Variants in ATAD5 observed in about 807,000 individuals in gnomAD.
The protein encoded by ATAD5 is ATPase family AAA domain containing 5.
A neutral mutation model predicts 176.9 loss-of-function variants in ATAD5; 58 were observed. That is an observed-to-expected ratio of 0.33 (90% confidence interval 0.27 to 0.41). The LOEUF is 0.41. ATAD5 is among the 10% of genes least tolerant of loss of function. The probability of loss-of-function intolerance (pLI) is 1.00; values close to 1 mark genes in which losing one functional copy is unlikely to be tolerated. For missense variants in ATAD5, 1,789 were observed against 2,094.1 expected, an observed-to-expected ratio of 0.85 and a Z score of 2.84; for synonymous variants, 640 against 712.6, an observed-to-expected ratio of 0.90 and a Z score of 1.62.
At chr17:30,879,565 ATTTT>A in intron 18 of ATAD5, 78 bp downstream of exon 18, 12 of 1,055,184 alleles carry the variant, frequency 1.1e-5, no homozygotes, top group East Asian at 3.3e-5. Flanking sequence ...TACAGCTATA[ATTTT>A]TTTTTTTTTT....
rs745496491 is a variant in ATAD5 at position 30,860,566 on chromosome 17, T to G, written c.3090T>G (p.Leu1030=). 6.9e-6 allele frequency: 11 copies of G among 1,585,062 alleles called. No homozygotes were observed. The African/African-American group carries it at 1.5e-4, about 22-fold the overall frequency. Residue 1030 remains leucine (L), a synonymous_variant, in exon 10 of 23, where the codon CTT becomes CTG. Transcript: ENST00000321990. The part of the protein sequence containing the change: ...LEKTNRKSEE[L]SKRNNSSGIK... ...AGACCAATAGGAAGTCAGAAGAACT[T>G]AGCAAAAGAAACAACTCTTCTGGGA...
In ATAD5 at chr17:30,858,222, G is replaced by A; in HGVS notation, c.2855G>A (p.Arg952Lys). Residue 952 changes from arginine to lysine, a missense_variant, in exon 9 of 23, where the codon AGG becomes AAG. Around this residue, in one of 6 missense-constraint regions of ATAD5, gnomAD observed 487 missense variants for 573.6 expected, o/e 0.85. Transcript: ENST00000321990. Reference protein sequence around the residue: ...EVRNLLLEEIRWSNPEFSLKK... With the variant: ...EVRNLLLEEIKWSNPEFSLKK... ...AGAAATCTTTTGCTTGAGGAAATTAGGTGGTCAAATCCTGAATTTTCATTG... is the reference window on the plus strand; with the variant it reads ...AGAAATCTTTTGCTTGAGGAAATTAAGTGGTCAAATCCTGAATTTTCATTG... The A allele has an allele frequency of 3.8e-6, 6 of 1,595,942 alleles. No individual in the cohort carries two copies. Among genetic ancestry groups the A allele is most frequent in the Non-Finnish European group, 5.1e-6 (6 of 1,171,590 alleles).
intron 19 of ATAD5, among the ~76,000 whole-genome samples, chr17:30,889,886 C>CTTTTTTTTTTTTTTTT (rs60266614): frequency 9.4e-5 from 9 of 95,718 alleles, no homozygotes; most frequent in Non-Finnish European, 1.4e-4. Flanking sequence ...TCTTTTCTTT[C>CTTTTTTTTTTTTTTTT]TTTTTTTTTT....
At chr17:30,859,267 G>T (rs1907472368) in intron 9 of ATAD5, among the ~76,000 whole-genome samples, 1 of 152,152 alleles carries the variant, frequency 6.6e-6, no homozygotes. Context: ...GATAATTTTA[G>T]CTTATATAGC....
chr17:30,883,149 C>T (rs1253378607), intron 18 of ATAD5, among the ~76,000 whole-genome samples: 3 of 137,254 alleles, frequency 2.2e-5, no homozygotes, highest in South Asian at 2.4e-4. Context: ...TTTTGAGATA[C>T]GGTCTCACTC....
At chr17:30,889,158 T>TTTTC (rs1288873813) in intron 19 of ATAD5, among the ~76,000 whole-genome samples, 2 of 147,006 alleles carry the variant, frequency 1.4e-5, no homozygotes, top group Non-Finnish European at 1.5e-5. Context: ...AAAGTTTTTC[T>TTTTC]TTTCTTTCTT....
In ATAD5 at chr17:30,894,696, A is replaced by G. The variant is rs1244482610; in HGVS notation, c.5430A>G (p.Leu1810=). 1 of 1,609,554 alleles carries G rather than the reference A, an allele frequency of 6.2e-7. No homozygotes were observed. The highest frequency in any genetic ancestry group is 8.5e-7 in the Non-Finnish European group (1 of 1,178,654). ...GAAACATCTGTAAGACTGAGAAGCT[A>G]AAAGAACAAGGAAAAAGTAAAAGAA... ...TLRNICKTEK[L]KEQGKSKRRF... is the part of the protein sequence containing the mutation. The change falls in exon 22 of 23, where the codon CTA becomes CTG. Residue 1810 remains leucine, a synonymous_variant. Coordinates refer to ENST00000321990, the MANE Select transcript of ATAD5 (RefSeq NM_024857.5).
intron 19 of ATAD5, 93 bp downstream of exon 19, chr17:30,887,465 C>T (rs1909384385): frequency 9.2e-7 from 1 of 1,085,476 alleles, no homozygotes. Flanking sequence ...GCCTGTAATC[C>T]CAGCACTTTG....
intron 18 of ATAD5, among the ~76,000 whole-genome samples, chr17:30,884,428 T>C (rs1363520665): frequency 1.8e-5 from 2 of 109,794 alleles, no homozygotes; most frequent in East Asian, 2.6e-4. Context: ...TCTTTTCTTT[T>C]TTTTTTTTTT....
At chr17:30,862,400 C>T (rs549535358) in intron 10 of ATAD5, among the ~76,000 whole-genome samples, 1 of 152,170 alleles carries the variant, frequency 6.6e-6, no homozygotes, top group African/African-American at 2.4e-5. Flanking sequence ...TACTATTTTA[C>T]ACCATGTTTT....
Position 30,895,005 on chromosome 17 carries a change from C to A in ATAD5, c.*92C>A. On this transcript the variant is annotated 3_prime_UTR_variant, in exon 23 of 23. Coordinates refer to ENST00000321990, the MANE Select transcript of ATAD5 (RefSeq NM_024857.5). ...TGGATCTTCATGGAAAAGTATATTT[C>A]TCGATGTACATTTTAAACAAACAAT... is the stretch of plus-strand genomic sequence containing the variant. 1.3e-6 allele frequency: 1 copy of A among 782,516 alleles called. No individual in the cohort carries two copies. Among genetic ancestry groups the A allele is most frequent in the Non-Finnish European group, 1.9e-6 (1 of 531,634 alleles). The allele number at this position is 782,516 out of a possible 1,614,324, so 48.5% of individuals were successfully genotyped here.
Position 30,892,730 on chromosome 17 carries a change from C to T in ATAD5, c.4382C>T (p.Thr1461Ile), listed in dbSNP as rs770436874. 2 of 1,584,034 alleles carry T rather than the reference C, an allele frequency of 1.3e-6. No individual in the cohort carries two copies. The highest frequency in any genetic ancestry group is 1.7e-6 in the Non-Finnish European group (2 of 1,167,034). ...LPKCDSGCAE[T>I]LFGLKNIFSP... The stretch of plus-strand genomic sequence containing the variant: ...AAATGTGACAGTGGCTGTGCTGAGA[C>T]CTTGTTTGGCCTTAAGAACATTTTT... The change falls in exon 20 of 23, where the codon ACC (threonine) becomes ATC (isoleucine). Residue 1461 changes from threonine to isoleucine, a missense_variant. By Grantham distance (89) the Thr-to-Ile change is moderately conservative. Transcript: ENST00000321990.
At chr17:30,851,412 C>T (rs1169753955) in intron 6 of ATAD5, among the ~76,000 whole-genome samples, 8 of 149,384 alleles carry the variant, frequency 5.4e-5, no homozygotes, top group Admixed American at 2.0e-4. Context: ...AGGAGAATGG[C>T]GTGAACCTGG....
At chr17:30,882,460 T>C (rs1039431413) in intron 18 of ATAD5, among the ~76,000 whole-genome samples, 1 of 150,944 alleles carries the variant, frequency 6.6e-6, no homozygotes, top group Non-Finnish European at 1.5e-5. Context: ...TGCAGTGGCA[T>C]GTGCCTGTAG....
intron 18 of ATAD5, among the ~76,000 whole-genome samples, chr17:30,886,943 G>C: frequency 6.6e-6 from 1 of 152,102 alleles, no homozygotes; most frequent in East Asian, 1.9e-4. Flanking sequence ...GTTCAGGTTG[G>C]AGAATCTCCT....
intron 2 of ATAD5, 132 bp downstream of exon 2, chr17:30,836,180 C>CCT: frequency 1.5e-6 from 1 of 654,760 alleles, no homozygotes; most frequent in East Asian, 3.9e-5. Context: ...AACAGGATTT[C>CCT]TTTTTTTTTT....
In ATAD5 at chr17:30,894,884, G is replaced by T. The variant is rs917451041; in HGVS notation, c.5506G>T (p.Val1836Leu). 1.3e-6 allele frequency: 2 copies of T among 1,598,474 alleles called. No individual in the cohort carries two copies. The highest frequency in any genetic ancestry group is 1.7e-6 in the Non-Finnish European group (2 of 1,175,654). ...GIHLDIPKET[V>L]NTLAADFP is the part of the protein sequence containing the mutation. ...TCATCTTGACATTCCAAAAGAGACT[G>T]TGAATACTTTGGCAGCTGACTTCCC... Residue 1836 changes from valine (V) to leucine (L), a missense_variant, in exon 23 of 23, where the codon GTG (valine) becomes TTG (leucine). By Grantham distance (32) the Val-to-Leu change is conservative. Around this residue, in one of 6 missense-constraint regions of ATAD5, gnomAD observed 403 missense variants for 495.1 expected, o/e 0.81. Coordinates refer to ENST00000321990, the MANE Select transcript of ATAD5 (RefSeq NM_024857.5).
In ATAD5 at chr17:30,834,345, A is replaced by G. The variant is rs1326388818; in HGVS notation, c.264A>G (p.Glu88=). The change falls in exon 2 of 23, where the codon GAA becomes GAG. Residue 88 remains glutamate, a synonymous_variant. Transcript: ENST00000321990. ...AAGAGTGCAAGATAAAGTCACCTGA[A>G]TCAGTACCTGTTGACAGCAACAAAG... ...LGKECKIKSP[E]SVPVDSNKDC... is the part of the protein sequence containing the mutation. 6.2e-7 allele frequency: 1 copy of G among 1,611,086 alleles called. No homozygotes were observed. Among genetic ancestry groups the G allele is most frequent in the African/African-American group, 1.3e-5 (1 of 74,446 alleles).
intron 14 of ATAD5, among the ~76,000 whole-genome samples, chr17:30,872,967 A>T (rs1236687394): frequency 2.0e-5 from 3 of 152,084 alleles, no homozygotes; most frequent in African/African-American, 7.2e-5. Context: ...TGTTCACCTT[A>T]TTTGTTTTTA....
Sources: gnomAD v4.1 joint callset for allele counts (sites outside exome capture counted in the v4.1 genomes callset) on GRCh38, gnomAD v4.1.1 for gene constraint, gnomAD v4.1.1 regional missense constraint, MANE v1.5 for transcripts, NCBI Gene and HGNC (gene_info 2026-07-23, HGNC 2026-07-21) for gene names.